The following ADK variants were observed in gnomAD, a reference collection of about 807,000 sequenced individuals.
ADK encodes the protein N6,N6-dimethyladenosine kinase.
Under a neutral mutation model 44.7 loss-of-function variants are expected in ADK, and 24 were observed. The ratio of observed to expected loss-of-function variants is 0.54; its 90% CI spans 0.39 to 0.76. The LOEUF is 0.76. Among genes scored for constraint, ADK ranks in the 30% least tolerant of loss-of-function variants. ADK has a pLI of 0.00. For missense variants in ADK, 321 were observed against 425.1 expected (o/e 0.76, Z 2.15); for synonymous variants, 128 against 142.6 (o/e 0.90, Z 0.73).
chr10:74,250,492 T>G (rs1426111583), intron 3 of ADK, among the ~76,000 whole-genome samples: 1 of 152,156 alleles, frequency 6.6e-6, no homozygotes, highest in African/African-American at 2.4e-5. Flanking sequence ...CAGGCCGAAT[T>G]GTGAAAAGTT....
At chr10:74,182,031 G>A (rs1225591969) in intron 1 of ADK, among the ~76,000 whole-genome samples, 3 of 152,118 alleles carry the variant, frequency 2.0e-5, no homozygotes, top group Admixed American at 1.3e-4. Flanking sequence ...GTGGGCAGTG[G>A]GTGGGGTCGT....
intron 9 of ADK, among the ~76,000 whole-genome samples, chr10:74,659,385 C>G (rs1054726321): frequency 6.6e-6 from 1 of 152,152 alleles, no homozygotes; most frequent in African/African-American, 2.4e-5. Flanking sequence ...GAACTGAAGA[C>G]CTTAACTGGA....
At chr10:74,167,604 G>A (rs1842065062) in intron 1 of ADK, among the ~76,000 whole-genome samples, 1 of 152,170 alleles carries the variant, frequency 6.6e-6, no homozygotes, top group Non-Finnish European at 1.5e-5. Context: ...CTTCAGCTGG[G>A]TAGTTGGACT....
At chr10:74,360,758 TC>T (rs1478735833) in intron 4 of ADK, among the ~76,000 whole-genome samples, 2 of 152,212 alleles carry the variant, frequency 1.3e-5, no homozygotes, top group African/African-American at 4.8e-5. Context: ...TTATAGGTAT[TC>T]CTGCCCTTTT....
At chr10:74,676,544 AT>A (rs1485695171) in intron 10 of ADK, among the ~76,000 whole-genome samples, 2 of 152,170 alleles carry the variant, frequency 1.3e-5, no homozygotes, top group Non-Finnish European at 2.9e-5. Context: ...CAGCACAATC[AT>A]AGCTCACTGC....
chr10:74,587,611 G>A (rs182488306), intron 7 of ADK, among the ~76,000 whole-genome samples: 4 of 152,184 alleles, frequency 2.6e-5, no homozygotes, highest in African/African-American at 7.2e-5. Context: ...TGCTACAGTC[G>A]TTTTAGTTGA....
intron 6 of ADK, among the ~76,000 whole-genome samples, chr10:74,438,587 T>A (rs147162062): frequency 3.9e-4 from 59 of 152,272 alleles, no homozygotes; most frequent in African/African-American, 1.2e-3. Flanking sequence ...TGGTATTTAT[T>A]GTGCTCAGTA....
intron 6 of ADK, among the ~76,000 whole-genome samples, chr10:74,437,906 C>T (rs1013883774): frequency 5.3e-5 from 8 of 152,114 alleles, no homozygotes; most frequent in Non-Finnish European, 4.4e-5. Context: ...CTTTAACAAC[C>T]AAGCCCTTTT....
At chr10:74,239,713 C>T (rs1467870721) in intron 3 of ADK, among the ~76,000 whole-genome samples, 2 of 39,530 alleles carry the variant, frequency 5.1e-5, no homozygotes, top group African/African-American at 2.2e-4. Flanking sequence ...GAGACCTTGT[C>T]TCAAAAAAAA....
chr10:74,635,583 A>T (rs140458084), intron 9 of ADK, among the ~76,000 whole-genome samples: 1 of 152,146 alleles, frequency 6.6e-6, no homozygotes, highest in South Asian at 2.1e-4. Flanking sequence ...TTATTTTCTC[A>T]TGATTCTCCA....
Position 74,426,059 on chromosome 10 carries a change from C to T in ADK, c.555+27480C>T, listed in dbSNP as rs187595582. ...GAAAAGTACAGAGAATATTAAAACACCCATAATCCTATCATATATGTTCAT... is the reference window on the plus strand; with the variant it reads ...GAAAAGTACAGAGAATATTAAAACATCCATAATCCTATCATATATGTTCAT... On this transcript the variant is annotated intron_variant, in intron 6 of 10. Coordinates refer to ENST00000539909, the MANE Select transcript of ADK (RefSeq NM_006721.4). Among the ~76,000 whole-genome samples, 389 of 152,180 alleles carry T rather than the reference C, an allele frequency of 2.6e-3. 4 individuals carry two copies. Among genetic ancestry groups the T allele is most frequent in the Non-Finnish European group, 3.4e-3 (232 of 67,986 alleles).
At chr10:74,643,823 A>G (rs1398522528) in intron 9 of ADK, among the ~76,000 whole-genome samples, 1 of 152,210 alleles carries the variant, frequency 6.6e-6, no homozygotes, top group African/African-American at 2.4e-5. Context: ...TTAGAGGCTA[A>G]GCTACAATCC....
At chr10:74,497,093 A>G (rs1473826233) in intron 6 of ADK, among the ~76,000 whole-genome samples, 2 of 152,114 alleles carry the variant, frequency 1.3e-5, no homozygotes, top group Non-Finnish European at 2.9e-5. Flanking sequence ...GACTACAGGG[A>G]CTACGGGCGC....
intron 1 of ADK, among the ~76,000 whole-genome samples, chr10:74,160,687 AGG>A (rs201587599): frequency 2.1e-4 from 29 of 135,648 alleles, no homozygotes; most frequent in Non-Finnish European, 2.4e-4. Flanking sequence ...GCATGCAGGT[AGG>A]GGTGTGTGTG....
intron 8 of ADK, among the ~76,000 whole-genome samples, chr10:74,593,207 G>A (rs1000386557): frequency 1.4e-4 from 22 of 152,202 alleles, no homozygotes; most frequent in Admixed American, 3.9e-4. Context: ...TGTTGTTTTT[G>A]TAGGTGCCTG....
At chr10:74,676,044 T>A (rs1433057538) in intron 10 of ADK, among the ~76,000 whole-genome samples, 28 of 143,824 alleles carry the variant, frequency 1.9e-4, no homozygotes, top group East Asian at 6.0e-4. Flanking sequence ...TTCTTAGAAT[T>A]AAAAAAAAAA....
intron 3 of ADK, among the ~76,000 whole-genome samples, chr10:74,256,021 GGGTGTT>G (rs917330921): frequency 1.8e-4 from 27 of 152,284 alleles, no homozygotes; most frequent in African/African-American, 6.5e-4. Flanking sequence ...AAAATCCTTT[GGGTGTT>G]GTAATCAGAG....
At chr10:74,220,375 T>A (rs954777815) in intron 2 of ADK, among the ~76,000 whole-genome samples, 6 of 152,222 alleles carry the variant, frequency 3.9e-5, no homozygotes, top group African/African-American at 1.4e-4. Context: ...GTGGCAATAA[T>A]CAATAGCTTA....
chr10:74,296,818 G>A (rs574209687), intron 3 of ADK, among the ~76,000 whole-genome samples: 1 of 151,988 alleles, frequency 6.6e-6, no homozygotes, highest in African/African-American at 2.4e-5. Context: ...GTTTCTCCGT[G>A]TTAGCCAGGA....
Sources: allele counts gnomAD v4.1 joint callset (sites outside exome capture counted in the v4.1 genomes callset), GRCh38; gene constraint gnomAD v4.1.1; transcripts MANE v1.5; gene names NCBI Gene and HGNC (gene_info 2026-07-23, HGNC 2026-07-21).